The following GDAP1 variants were observed in gnomAD, a reference collection of about 807,000 sequenced individuals.
The protein encoded by GDAP1 is ganglioside induced differentiation associated protein 1.
Under a neutral mutation model 40.1 loss-of-function variants are expected in GDAP1, and 34 were observed. The ratio of observed to expected loss-of-function variants is 0.85; its 90% CI spans 0.64 to 1.13. The LOEUF is 1.13. Ranked by LOEUF, GDAP1 falls within the 50% of genes most tolerant of loss-of-function variation. The pLI is 0.00. For missense variants in GDAP1, 374 were observed against 433.7 expected (o/e 0.86, Z 1.22); for synonymous variants, 170 against 157.4 (o/e 1.08, Z -0.60).
chr8:74,422,167 TTTC>T (rs757830438), intron 2 of GDAP1, among the ~76,000 whole-genome samples: 13 of 142,452 alleles, frequency 9.1e-5, no homozygotes, highest in Admixed American at 7.5e-4. Flanking sequence ...TTCTTCTTTC[TTTC>T]TTTTCTTTCT....
Position 74,364,817 on chromosome 8 carries a change from A to G in GDAP1, c.*450A>G, listed in dbSNP as rs749109668. 8.8e-6 allele frequency: 4 copies of G among 455,214 alleles called. No individual in the cohort carries two copies. The highest frequency in any genetic ancestry group is 4.0e-5 in the African/African-American group (2 of 50,054). The allele number at this position is 455,214 out of a possible 1,614,324, so 28.2% of individuals were successfully genotyped here. The stretch of plus-strand genomic sequence containing the variant: ...AGAGAACCCCAGGCTTTATATGTAT[A>G]CTTTGACCTCAGTGTTAATTTTAAA... On this transcript the variant is annotated 3_prime_UTR_variant, in exon 6 of 6. Coordinates refer to ENST00000220822, the MANE Select transcript of GDAP1 (RefSeq NM_018972.4).
intron 2 of GDAP1, among the ~76,000 whole-genome samples, chr8:74,438,297 A>C (rs1209920221): frequency 6.6e-6 from 1 of 152,038 alleles, no homozygotes; most frequent in Admixed American, 6.6e-5. Flanking sequence ...ACAAAAAAAG[A>C]AGGGCTGAGT....
In GDAP1 at chr8:74,364,508, C is replaced by T; in HGVS notation, c.*141C>T. Reference sequence around the variant, plus strand: ...CAGAAGTCATCTTTGTTACACAACACAGGGGTTCAGGTAGCAATAGGACAC... The same window carrying T: ...CAGAAGTCATCTTTGTTACACAACATAGGGGTTCAGGTAGCAATAGGACAC... On this transcript the variant is annotated 3_prime_UTR_variant, in exon 6 of 6. Coordinates refer to ENST00000220822, the MANE Select transcript of GDAP1 (RefSeq NM_018972.4). 2 of 859,098 alleles carry T rather than the reference C, an allele frequency of 2.3e-6. No individual in the cohort carries two copies. Among genetic ancestry groups the T allele is most frequent in the Middle Eastern group, 3.2e-4 (1 of 3,094 alleles). 53.2% of individuals were successfully genotyped at this position (859,098 alleles called of 1,614,324 possible).
chr8:74,471,419 C>G (rs1806553272), intron 2 of GDAP1, among the ~76,000 whole-genome samples: 1 of 148,982 alleles, frequency 6.7e-6, no homozygotes, highest in Admixed American at 6.7e-5. Flanking sequence ...TACAATTTTT[C>G]TGTTTTCTAA....
At chr8:74,434,009 A>T (rs1392389805) in intron 2 of GDAP1, among the ~76,000 whole-genome samples, 1 of 152,206 alleles carries the variant, frequency 6.6e-6, no homozygotes, top group African/African-American at 2.4e-5. Context: ...CCTCCTATGC[A>T]TTTCTTCCTT....
intron 2 of GDAP1, among the ~76,000 whole-genome samples, chr8:74,391,376 G>A (rs982753228): frequency 3.6e-4 from 54 of 152,038 alleles, no homozygotes; most frequent in African/African-American, 1.2e-3. Flanking sequence ...TAGTATCTGG[G>A]CCAGAATGCA....
At chr8:74,405,099 G>A (rs1001431363) in intron 2 of GDAP1, among the ~76,000 whole-genome samples, 12 of 149,984 alleles carry the variant, frequency 8.0e-5, no homozygotes, top group Admixed American at 2.0e-4. Flanking sequence ...GTTCCAAATC[G>A]CTGAGGAGGC....
intron 2 of GDAP1, among the ~76,000 whole-genome samples, chr8:74,460,499 A>G (rs543757642): frequency 2.0e-5 from 3 of 152,202 alleles, no homozygotes; most frequent in African/African-American, 7.2e-5. Context: ...ACACATTGCC[A>G]GGGCCACTTC....
Position 74,366,337 on chromosome 8 carries a change from A to G in GDAP1, c.*1970A>G, listed in dbSNP as rs2131526937. The stretch of plus-strand genomic sequence containing the variant: ...GATTGAGTGTTCTTTTTGTTCAGCA[A>G]CTCTTCTAAAATGTTTCAAGCAAAG... On this transcript the variant is annotated 3_prime_UTR_variant, in exon 6 of 6. Coordinates refer to ENST00000220822, the MANE Select transcript of GDAP1 (RefSeq NM_018972.4). 2.2e-6 allele frequency: 1 copy of G among 454,342 alleles called. No individual in the cohort carries two copies. The highest frequency in any genetic ancestry group is 1.6e-5 in the South Asian group (1 of 64,472). 28.1% of individuals were successfully genotyped at this position (454,342 alleles called of 1,614,324 possible). A position where few individuals can be genotyped will look rare whatever the true frequency, so the allele number is the denominator to read the frequency against.
intron 2 of GDAP1, among the ~76,000 whole-genome samples, chr8:74,419,104 C>G (rs956910463): frequency 1.3e-5 from 2 of 152,154 alleles, no homozygotes; most frequent in Admixed American, 6.5e-5. Context: ...TGTAGTCACT[C>G]TGAAACATTC....
chr8:74,352,609 C>G (rs1049247821), intron 2 of GDAP1, among the ~76,000 whole-genome samples: 2 of 152,184 alleles, frequency 1.3e-5, no homozygotes, highest in African/African-American at 4.8e-5. Flanking sequence ...AGTGCTAGTC[C>G]CCTAGGATTG....
intron 2 of GDAP1, among the ~76,000 whole-genome samples, chr8:74,422,301 C>A (rs1436410260): frequency 2.9e-5 from 1 of 34,074 alleles, no homozygotes; most frequent in Non-Finnish European, 4.9e-5. Context: ...TTCTTTCTTT[C>A]TTTCTTTCTT....
intron 2 of GDAP1, among the ~76,000 whole-genome samples, chr8:74,422,352 C>CCCTTCCTTCCTTCCTT (rs56384829): frequency 1.1e-3 from 37 of 34,224 alleles, no homozygotes; most frequent in African/African-American, 3.4e-3. Context: ...TTTCTTTCTT[C>CCCTTCCTTCCTTCCTT]CCTTCCTTCC....
At position 74,465,450 on chromosome 8, in the gene GDAP1, A is replaced by G. The variant is rs866134004; in HGVS notation, c.166-23228A>G. On this transcript the variant is annotated intron_variant, in intron 2 of 2. Transcript: ENST00000523640. ...CTGGTCTCCCTTCCCTTCCACCTCCACTGCCCCACAGAGTTCAAGCCACCA... is the reference window on the plus strand; with the variant it reads ...CTGGTCTCCCTTCCCTTCCACCTCCGCTGCCCCACAGAGTTCAAGCCACCA... Among the ~76,000 whole-genome samples, 6 of 151,912 alleles carry G rather than the reference A, an allele frequency of 3.9e-5. No homozygotes were observed. In the South Asian group the frequency reaches 1.3e-3, roughly 32 times the overall value.
At chr8:74,356,106 A>G (rs1466605026) in intron 2 of GDAP1, among the ~76,000 whole-genome samples, 2 of 152,210 alleles carry the variant, frequency 1.3e-5, no homozygotes, top group Admixed American at 1.3e-4. Flanking sequence ...ATAGTTGAAT[A>G]TAGGCCTTTT....
At chr8:74,446,162 G>T (rs1288547057) in intron 2 of GDAP1, among the ~76,000 whole-genome samples, 2 of 152,150 alleles carry the variant, frequency 1.3e-5, no homozygotes, top group African/African-American at 4.8e-5. Context: ...TGTGGATTAA[G>T]GGAGATTATT....
At chr8:74,387,259 G>A (rs548064371) in intron 2 of GDAP1, among the ~76,000 whole-genome samples, 6 of 152,226 alleles carry the variant, frequency 3.9e-5, no homozygotes, top group South Asian at 2.1e-4. Flanking sequence ...GTCTTGTGCC[G>A]GTTTTCAAAG....
chr8:74,389,932 C>A (rs1810081521), intron 2 of GDAP1, among the ~76,000 whole-genome samples: 1 of 152,154 alleles, frequency 6.6e-6, no homozygotes, highest in South Asian at 2.1e-4. Context: ...AGTTGATCTT[C>A]AATCTCTGAT....
intron 2 of GDAP1, among the ~76,000 whole-genome samples, chr8:74,467,749 G>A (rs1223586456): frequency 6.6e-6 from 1 of 152,176 alleles, no homozygotes; most frequent in Non-Finnish European, 1.5e-5. Context: ...GGGAGGTCAA[G>A]GAACTGTAGA....
Sources: gnomAD v4.1 joint callset for allele counts (sites outside exome capture counted in the v4.1 genomes callset) on GRCh38, gnomAD v4.1.1 for gene constraint, MANE v1.5 for transcripts, NCBI Gene and HGNC (gene_info 2026-07-23, HGNC 2026-07-21) for gene names.